ANKRD50: variants seen among roughly 807,000 people sequenced by gnomAD.
The protein encoded by ANKRD50 is ankyrin repeat domain-containing protein 50.
A neutral mutation model predicts 112.0 loss-of-function variants in ANKRD50; 40 were observed. The ratio of observed to expected loss-of-function variants is 0.36; its 90% CI spans 0.28 to 0.46. The LOEUF is 0.46. ANKRD50 is among the 20% of genes least tolerant of loss of function. ANKRD50 has a pLI of 1.00. For missense variants in ANKRD50, 1,487 were observed against 1,701.7 expected, an observed-to-expected ratio of 0.87 and a Z score of 2.22; for synonymous variants, 613 against 619.1, an observed-to-expected ratio of 0.99 and a Z score of 0.15.
rs1426569216 is a variant in ANKRD50, at chr4:124,664,471, T to C, written c.*3047A>G. 7 of 152,388 alleles carry C rather than the reference T, an allele frequency of 4.6e-5. No individual in the cohort carries two copies. The highest frequency in any genetic ancestry group is 1.0e-4 in the Non-Finnish European group (7 of 67,898). 9.4% of individuals were successfully genotyped at this position (152,388 alleles called of 1,614,324 possible). A position where few individuals can be genotyped will look rare whatever the true frequency, so the allele number is the denominator to read the frequency against. ...TGTTCTACTGGTTCAAGGACAAAAT[T>C]AAAACAAGATCTTCTCTGTAAAGCA... On this transcript the variant is annotated 3_prime_UTR_variant, in exon 5 of 5. Coordinates refer to ENST00000504087, the MANE Select transcript of ANKRD50 (RefSeq NM_020337.3).
intron 3 of ANKRD50, among the ~76,000 whole-genome samples, chr4:124,675,305 C>A (rs1474014580): frequency 6.6e-6 from 1 of 151,722 alleles, no homozygotes; most frequent in East Asian, 1.9e-4. Flanking sequence ...AAGAGAAGAC[C>A]TGTGCCAATA....
Position 124,712,700 on chromosome 4 carries a change from A to ACCGCCG in ANKRD50, c.-1012_-1007dup, listed in dbSNP as rs574816496. 9.0e-3 allele frequency: 1,368 copies of ACCGCCG among 151,838 alleles called. 23 individuals carry two copies. Among genetic ancestry groups the ACCGCCG allele is most frequent in the Middle Eastern group, 0.018 (5 of 282 alleles). The allele number at this position is 151,838 out of a possible 1,614,324, so 9.4% of individuals were successfully genotyped here. A position where few individuals can be genotyped will look rare whatever the true frequency, so the allele number is the denominator to read the frequency against. Reference sequence around the variant, plus strand: ...TGCTCGCCCCAGCCCCCACCGGCCAACCGCCGCCGCCGCCGCCGTCAGGGC... The same window carrying ACCGCCG: ...TGCTCGCCCCAGCCCCCACCGGCCAACCGCCGCCGCCGCCGCCGCCGCCGTCAGGGC... On this transcript the variant is annotated 5_prime_UTR_variant, in exon 1 of 5. Transcript: ENST00000504087.
Position 124,669,212 on chromosome 4 carries a change from C to T in ANKRD50, c.4065G>A (p.Gln1355=), listed in dbSNP as rs199504785. Residue 1355 remains glutamine (Q), a synonymous_variant, in exon 4 of 5, where the codon CAG becomes CAA. Transcript: ENST00000504087. ...QFLIHQQSGE[Q]KKRNGIMTNP... is the part of the protein sequence containing the mutation. Reference sequence around the variant, plus strand: ...TTGTCATTATTCCATTTCTCTTCTTCTGTTCCCCACTTTGTTGGTGAATAA... The same window carrying T: ...TTGTCATTATTCCATTTCTCTTCTTTTGTTCCCCACTTTGTTGGTGAATAA... 5.8e-4 allele frequency: 933 copies of T among 1,613,666 alleles called. 16 individuals are homozygous for T. The South Asian group carries it at 9.5e-3, about 16-fold the overall frequency.
chr4:124,668,359 C>G (rs1303344040), intron 4 of ANKRD50, among the ~76,000 whole-genome samples: 1 of 151,994 alleles, frequency 6.6e-6, no homozygotes, highest in Non-Finnish European at 1.5e-5. Flanking sequence ...AGAGATCTGT[C>G]ATCATAAAAA....
chr4:124,669,238 G>C lies in ANKRD50; in HGVS notation c.4039C>G (p.Leu1347Val). 6.2e-7 allele frequency: 1 copy of C among 1,613,680 alleles called. No homozygotes were observed. Among genetic ancestry groups the C allele is most frequent in the Non-Finnish European group, 8.5e-7 (1 of 1,179,794 alleles). ...TGTTCCCCACTTTGTTGGTGAATAA[G>C]AAACTGCTGTTGAGATCGACCAATT... is the stretch of plus-strand genomic sequence containing the variant. ...QEIGRSQQQF[L>V]IHQQSGEQKK... The change falls in exon 4 of 5, where the codon CTT becomes GTT. Residue 1347 changes from leucine to valine, a missense_variant. By Grantham distance (32) the Leu-to-Val change is conservative. Around this residue, in one of 2 missense-constraint regions of ANKRD50, gnomAD observed 441 missense variants for 432.2 expected, o/e 1.02. Transcript: ENST00000504087.
In ANKRD50 at chr4:124,672,015, C is replaced by A; in HGVS notation, c.1262G>T (p.Cys421Phe). Residue 421 changes from cysteine (C) to phenylalanine (F), a missense_variant, in exon 4 of 5, where the codon TGT becomes TTT. Physicochemically the swap from Cys to Phe is radical, Grantham distance 205. Transcript: ENST00000504087. ...TGCATTACATAAATACTTCTGAGTA[C>A]AGTGTTTCACATCCAGAAGCCACTC... is the stretch of plus-strand genomic sequence containing the variant. ...FAEWLLDVKH[C>F]TQKYLCNAAE... 1 of 1,613,878 alleles carries A rather than the reference C, an allele frequency of 6.2e-7. No individual in the cohort carries two copies. Among genetic ancestry groups the A allele is most frequent in the Non-Finnish European group, 8.5e-7 (1 of 1,179,880 alleles).
chr4:124,704,940 A>G (rs1228826758), intron 2 of ANKRD50, among the ~76,000 whole-genome samples: 1 of 152,128 alleles, frequency 6.6e-6, no homozygotes, highest in Non-Finnish European at 1.5e-5. Context: ...TAAAAATACA[A>G]AACATTGGCT....
rs1730629112 is a variant in ANKRD50, at chr4:124,670,853, A to G, written c.2424T>C (p.Asp808=). The G allele has an allele frequency of 6.2e-7, 1 of 1,613,642 alleles. No homozygotes were observed. Among genetic ancestry groups the G allele is most frequent in the Admixed American group, 1.7e-5 (1 of 59,938 alleles). The stretch of plus-strand genomic sequence containing the variant: ...CTGTCCTACCTTCACTATCAATACT[A>G]TCCACAGCTGCACCCCAAAACAAAA... ...NTLLFWGAAV[D]SIDSEGRTVL... is the part of the protein sequence containing the mutation. The change falls in exon 4 of 5, where the codon GAT becomes GAC. Residue 808 remains aspartate, a synonymous_variant. Transcript: ENST00000504087.
intron 2 of ANKRD50, among the ~76,000 whole-genome samples, chr4:124,691,164 GT>G (rs956847705): frequency 2.0e-5 from 3 of 152,304 alleles, no homozygotes; most frequent in Admixed American, 2.0e-4. Flanking sequence ...AAAATATTAT[GT>G]TATTCTGCAC....
In ANKRD50 at chr4:124,669,048, A is replaced by G. The variant is rs1312564972; in HGVS notation, c.4229T>C (p.Leu1410Pro). The change falls in exon 4 of 5, where the codon CTG becomes CCG. Residue 1410 changes from leucine (L) to proline (P), a missense_variant. By Grantham distance (98) the Leu-to-Pro change is moderately conservative. Coordinates refer to ENST00000504087, the MANE Select transcript of ANKRD50 (RefSeq NM_020337.3). ...SETELSLKQA[L>P]KLQIEGSDPS... ...GTCAGAACCTTCAATCTGAAGCTTC[A>G]GAGCTTGTTTAAGGCTTAATTCTGT... 1.2e-6 allele frequency: 2 copies of G among 1,612,774 alleles called. No individual in the cohort carries two copies. The highest frequency in any genetic ancestry group is 1.7e-6 in the Non-Finnish European group (2 of 1,179,508).
In ANKRD50 at chr4:124,672,547, T is replaced by TA. The variant is rs1560820202; in HGVS notation, c.743-14dup. 1.1e-5 allele frequency: 17 copies of TA among 1,540,316 alleles called. No homozygotes were observed. The highest frequency in any genetic ancestry group is 1.3e-5 in the Non-Finnish European group (15 of 1,140,772). On this transcript the variant is annotated splice_polypyrimidine_tract_variant and intron_variant, in intron 3 of 4. Coordinates refer to ENST00000504087, the MANE Select transcript of ANKRD50 (RefSeq NM_020337.3). The stretch of plus-strand genomic sequence containing the variant: ...ATTTTTCGAAAACCTAAAGAAGAGA[T>TA]AAAAAAGTAGATGTAATCAGTTGAA...
Position 124,710,340 on chromosome 4 carries a change from C to T in ANKRD50, c.172G>A (p.Gly58Arg), listed in dbSNP as rs1444653141. The change falls in exon 2 of 5, where the codon GGG becomes AGG. Residue 58 changes from glycine to arginine, a missense_variant. Transcript: ENST00000504087. ...CCAGAGACACCACTAGCATTATTCC[C>T]AGAATTCATTACAAGTGATGGTGCA... is the stretch of plus-strand genomic sequence containing the variant. ...VNAPSLVMNS[G>R]NNASGVSGKG... The T allele has an allele frequency of 6.2e-7, 1 of 1,614,170 alleles. No homozygotes were observed. Among genetic ancestry groups the T allele is most frequent in the Admixed American group, 1.7e-5 (1 of 60,018 alleles).
At position 124,669,544 on chromosome 4, in the gene ANKRD50, T is replaced by C. The variant is rs746402355; in HGVS notation, c.3733A>G (p.Ser1245Gly). 6.2e-7 allele frequency: 1 copy of C among 1,613,084 alleles called. No individual in the cohort carries two copies. Among genetic ancestry groups the C allele is most frequent in the Non-Finnish European group, 8.5e-7 (1 of 1,179,774 alleles). The change falls in exon 4 of 5, where the codon AGT (serine) becomes GGT (glycine). Residue 1245 changes from serine (S) to glycine (G), a missense_variant. Physicochemically the swap from Ser to Gly is moderately conservative, Grantham distance 56. This residue lies in a region of ANKRD50 where 441 missense variants were observed against 432.2 expected (regional missense o/e 1.02). Transcript: ENST00000504087. Reference protein sequence around the residue: ...PSSTTQSLGQSHNSPSSEFEW... With the variant: ...PSSTTQSLGQGHNSPSSEFEW... ...AATTCACTACTTGGTGAATTATGAC[T>C]CTGTCCTAAGGACTGTGTTGTGGAA...
chr4:124,673,965 AATT>A (rs911581341), intron 3 of ANKRD50, among the ~76,000 whole-genome samples: 47 of 152,168 alleles, frequency 3.1e-4, no homozygotes, highest in African/African-American at 9.9e-4. Context: ...GATAAATTTC[AATT>A]GTGAAAAAGT....
At chr4:124,700,489 G>C (rs1029664807) in intron 2 of ANKRD50, among the ~76,000 whole-genome samples, 22 of 152,328 alleles carry the variant, frequency 1.4e-4, no homozygotes, top group African/African-American at 4.3e-4. Context: ...AGTAGTGATA[G>C]AGATAGAGAG....
chr4:124,707,218 A>T (rs1725526116), intron 2 of ANKRD50, among the ~76,000 whole-genome samples: 1 of 152,016 alleles, frequency 6.6e-6, no homozygotes, highest in Non-Finnish European at 1.5e-5. Context: ...ATTTCCCTCA[A>T]AATATTGTAA....
intron 2 of ANKRD50, among the ~76,000 whole-genome samples, chr4:124,684,150 T>TA (rs1560824472): frequency 6.6e-6 from 1 of 152,186 alleles, no homozygotes; most frequent in African/African-American, 2.4e-5. Context: ...GATGAAAACA[T>TA]TTTTTATGGT....
In ANKRD50 at chr4:124,678,712, G is replaced by C. The variant is rs781102375; in HGVS notation, c.706C>G (p.Arg236Gly). The C allele has an allele frequency of 9.3e-6, 15 of 1,613,488 alleles. No individual in the cohort carries two copies. Among genetic ancestry groups the C allele is most frequent in the Non-Finnish European group, 1.2e-5 (14 of 1,179,684 alleles). The change falls in exon 3 of 5, where the codon CGA becomes GGA. Residue 236 changes from arginine to glycine, a missense_variant. Arg to Gly is a moderately radical substitution (Grantham distance 125, BLOSUM62 -2). Around this residue, in one of 2 missense-constraint regions of ANKRD50, gnomAD observed 1,046 missense variants for 1,269.5 expected, o/e 0.82. Coordinates refer to ENST00000504087, the MANE Select transcript of ANKRD50 (RefSeq NM_020337.3). ...PPWLLLLCSARKQSKAVTKMF... is the reference protein window; with the variant it reads ...PPWLLLLCSAGKQSKAVTKMF... Reference sequence around the variant, plus strand: ...TTAGTAACAGCCTTACTCTGCTTTCGGGCAGAACAGAGAAGCAATAGCCAT... The same window carrying C: ...TTAGTAACAGCCTTACTCTGCTTTCCGGCAGAACAGAGAAGCAATAGCCAT...
intron 2 of ANKRD50, among the ~76,000 whole-genome samples, chr4:124,702,348 T>C (rs1165154295): frequency 2.0e-5 from 3 of 152,148 alleles, no homozygotes; most frequent in African/African-American, 7.2e-5. Context: ...TTAGGGTAAA[T>C]GAATTCAAGG....
Sources: allele counts gnomAD v4.1 joint callset (sites outside exome capture counted in the v4.1 genomes callset), GRCh38; gene constraint gnomAD v4.1.1; regional missense constraint gnomAD v4.1.1; transcripts MANE v1.5; gene names NCBI Gene and HGNC (gene_info 2026-07-23, HGNC 2026-07-21).